POLGARF: variants seen among roughly 807,000 people sequenced by gnomAD.
POLGARF encodes the protein POLG alternative reading frame.
chr15:89,333,644 G>T, the POLGARF span: 3 of 1,585,286 alleles, frequency 1.9e-6, no homozygotes, highest in East Asian at 2.3e-5. Flanking sequence ...GCCGCTGCCC[G>T]TCGCTGGGGT....
the POLGARF span, among the ~76,000 whole-genome samples, chr15:89,332,631 G>A: frequency 6.6e-6 from 1 of 151,218 alleles, no homozygotes; most frequent in African/African-American, 2.4e-5. Context: ...TGTTGGTCTG[G>A]CGTTTATGGG....
At chr15:89,331,494 C>A in the POLGARF span, among the ~76,000 whole-genome samples, 1 of 152,174 alleles carries the variant, frequency 6.6e-6, no homozygotes, top group Non-Finnish European at 1.5e-5. Context: ...AAGAAACAAG[C>A]CAAATTTAAG....
chr15:89,333,571 G>A, the POLGARF span: 18 of 1,610,464 alleles, frequency 1.1e-5, no homozygotes, highest in Non-Finnish European at 1.2e-5. Flanking sequence ...TCCGAGGATA[G>A]CACTTGCGGC....
chr15:89,331,953 A>G, the POLGARF span, among the ~76,000 whole-genome samples: 2 of 152,342 alleles, frequency 1.3e-5, no homozygotes, highest in South Asian at 4.1e-4. Context: ...AAAGAGAGAA[A>G]GAAGGAGAAA....
the POLGARF span, among the ~76,000 whole-genome samples, chr15:89,331,307 A>C: frequency 2.7e-5 from 4 of 149,258 alleles, no homozygotes; most frequent in African/African-American, 7.4e-5. Flanking sequence ...CCACCCCCCC[A>C]CATTTTAATT....
At chr15:89,330,777 G>A in the POLGARF span, among the ~76,000 whole-genome samples, 1 of 151,098 alleles carries the variant, frequency 6.6e-6, no homozygotes, top group Admixed American at 6.6e-5. Flanking sequence ...TGTACAGGAT[G>A]AATCATCTCA....
the POLGARF span, chr15:89,333,504 T>C: frequency 1.9e-6 from 3 of 1,612,804 alleles, 1 homozygote; most frequent in South Asian, 3.3e-5. Flanking sequence ...GATTTGCTCG[T>C]GCAGCCCTCT....
At chr15:89,332,047 T>A in the POLGARF span, among the ~76,000 whole-genome samples, 1 of 152,254 alleles carries the variant, frequency 6.6e-6, no homozygotes, top group Non-Finnish European at 1.5e-5. Context: ...ACTGGTTTCC[T>A]AATTTTCTTT....
the POLGARF span, chr15:89,333,736 T>C: frequency 6.5e-7 from 1 of 1,535,470 alleles, no homozygotes; most frequent in Non-Finnish European, 8.7e-7. Context: ...GCCACCTTCC[T>C]CCAGAGCAGG....
chr15:89,333,659 C>A, the POLGARF span: 1 of 1,569,798 alleles, frequency 6.4e-7, no homozygotes, highest in Non-Finnish European at 8.6e-7. Context: ...TGGGGTCGGA[C>A]GCGGGGACGG....
At chr15:89,333,590 CTGCTGT>C in the POLGARF span, 1 of 1,603,002 alleles carries the variant, frequency 6.2e-7, no homozygotes, top group Non-Finnish European at 8.5e-7. Flanking sequence ...GCTGCTGAGG[CTGCTGT>C]TGCTGCTGCT....
At chr15:89,332,252 C>T in the POLGARF span, 2 of 152,224 alleles carry the variant, frequency 1.3e-5, no homozygotes, top group Non-Finnish European at 2.9e-5. Context: ...CCATTTTCAA[C>T]TGCATATTTA....
the POLGARF span, chr15:89,333,068 T>C: frequency 6.6e-7 from 1 of 1,503,892 alleles, no homozygotes; most frequent in Non-Finnish European, 8.9e-7. Context: ...CCATGCCTGC[T>C]TATGTCCCCA....
chr15:89,331,398 A>G, the POLGARF span, among the ~76,000 whole-genome samples: 4 of 152,192 alleles, frequency 2.6e-5, no homozygotes, highest in Admixed American at 2.0e-4. Context: ...GGTAACAGGA[A>G]CTTTGGTTAC....
the POLGARF span, chr15:89,333,204 G>A: frequency 3.2e-6 from 5 of 1,575,280 alleles, no homozygotes; most frequent in Admixed American, 5.3e-5. Context: ...CACGGGTACG[G>A]CCTCCCCCTC....
At chr15:89,331,234 AC>A in the POLGARF span, among the ~76,000 whole-genome samples, 1 of 152,204 alleles carries the variant, frequency 6.6e-6, no homozygotes, top group Non-Finnish European at 1.5e-5. Flanking sequence ...CTAGTTTTAA[AC>A]CTGACAAAAT....
chr15:89,330,684 G>A, the POLGARF span, among the ~76,000 whole-genome samples: 14 of 151,698 alleles, frequency 9.2e-5, no homozygotes, highest in Admixed American at 3.9e-4. Flanking sequence ...TACTAGTAAA[G>A]GAGATAGACA....
chr15:89,333,079 A>G, the POLGARF span: 9 of 1,510,132 alleles, frequency 6.0e-6, no homozygotes, highest in East Asian at 1.4e-4. Flanking sequence ...TATGTCCCCA[A>G]CCCTGCCCCT....
chr15:89,333,615 TGCTGCTGCTGCTGCC>T, the POLGARF span: 11 of 1,600,888 alleles, frequency 6.9e-6, no homozygotes, highest in Admixed American at 1.9e-4. Context: ...CTGCTGCTGC[TGCTGCTGCTGCTGCC>T]GCCGCCGCTG....
Sources: allele counts gnomAD v4.1 joint callset (sites outside exome capture counted in the v4.1 genomes callset), GRCh38; gene constraint gnomAD v4.1.1; transcripts MANE v1.5; gene names NCBI Gene and HGNC (gene_info 2026-07-23, HGNC 2026-07-21).